CFAP47: variants seen among roughly 807,000 people sequenced by gnomAD.
CFAP47 encodes the protein cilia and flagella associated protein 47, also known as cilia- and flagella-associated protein 47.
Under a neutral mutation model 148.1 loss-of-function variants are expected in CFAP47, and 29 were observed. The observed-to-expected ratio is 0.20, with a 90% CI of 0.15 to 0.27. The LOEUF is 0.27. CFAP47 is among the 10% of genes least tolerant of loss of function. CFAP47 has a pLI of 1.00. For synonymous variants in CFAP47, 664 were observed against 577.3 expected, an observed-to-expected ratio of 1.15 and a Z score of -2.15; for missense variants, 1,872 against 1,697.5, an observed-to-expected ratio of 1.10 and a Z score of -1.81.
At chrX:36,172,631 G>T (rs1939599875) in intron 39 of CFAP47, among the ~76,000 whole-genome samples, 1 of 110,903 alleles carries the variant, frequency 9.0e-6, no homozygotes, top group Admixed American at 9.6e-5. Flanking sequence ...AACCAGCCTT[G>T]CATCCCAGGG....
At position 36,126,694 on chromosome X, in the gene CFAP47, C is replaced by T. The variant is rs375414342; in HGVS notation, c.5321-11264C>T. On this transcript the variant is annotated intron_variant, in intron 33 of 63. Coordinates refer to ENST00000378653, the MANE Select transcript of CFAP47 (RefSeq NM_001304548.2). ...CACACTGTCTTCCACAATGGTTGAA[C>T]TAATTTACACTCCCACCAACAGTGT... Among the ~76,000 whole-genome samples, 10 of 112,208 alleles carry T rather than the reference C, an allele frequency of 8.9e-5. No individual in the cohort carries two copies. In the East Asian group the frequency reaches 1.1e-3, roughly 13 times the overall value.
At chrX:35,933,969 T>C (rs1043591412) in intron 2 of CFAP47, among the ~76,000 whole-genome samples, 1 of 111,991 alleles carries the variant, frequency 8.9e-6, no homozygotes, top group African/African-American at 3.3e-5. Flanking sequence ...ATTCTGGTTA[T>C]TAATCCTTTG....
intron 7 of CFAP47, 70 bp downstream of exon 7, chrX:35,953,789 A>G: frequency 1.3e-6 from 1 of 779,726 alleles, no homozygotes; most frequent in Non-Finnish European, 1.8e-6. Flanking sequence ...GAACATGAAT[A>G]TCTGTAGAGA....
At chrX:36,301,037 C>A in intron 52 of CFAP47, 35 bp from the exon 53 acceptor site, 1 of 889,291 alleles carries the variant, frequency 1.1e-6, no homozygotes, top group Non-Finnish European at 1.6e-6. Flanking sequence ...CAAACTAAAA[C>A]TGCTGACAAA....
At chrX:36,113,669 C>G (rs1327077638) in intron 33 of CFAP47, among the ~76,000 whole-genome samples, 1 of 111,627 alleles carries the variant, frequency 9.0e-6, no homozygotes, top group East Asian at 2.8e-4. Flanking sequence ...ATAGATGATA[C>G]CCTGAAATAT....
At chrX:36,235,824 A>C (rs1940456204) in intron 46 of CFAP47, 110 bp from the exon 47 acceptor site, 1 of 354,045 alleles carries the variant, frequency 2.8e-6, no homozygotes, top group Non-Finnish European at 5.0e-6. Flanking sequence ...CCTTGGAAAT[A>C]CAATTAAAAA....
chrX:36,253,924 C>G (rs1940720474), intron 49 of CFAP47, among the ~76,000 whole-genome samples: 1 of 111,654 alleles, frequency 9.0e-6, no homozygotes, highest in Non-Finnish European at 1.9e-5. Flanking sequence ...GGACCTAGAT[C>G]AGGCAGGACC....
At chrX:36,233,402 T>G (rs1222206918) in intron 46 of CFAP47, among the ~76,000 whole-genome samples, 10 of 111,409 alleles carry the variant, frequency 9.0e-5, no homozygotes, top group Admixed American at 4.8e-4. Context: ...CTTTGTTGGT[T>G]TAAAGTCTGT....
At chrX:36,028,608 T>C (rs1344552846) in intron 22 of CFAP47, among the ~76,000 whole-genome samples, 1 of 111,539 alleles carries the variant, frequency 9.0e-6, no homozygotes, top group Non-Finnish European at 1.9e-5. Context: ...TTATTTATTT[T>C]TAAGCTATCG....
chrX:36,129,064 A>C (rs928135961), intron 33 of CFAP47, among the ~76,000 whole-genome samples: 5 of 110,357 alleles, frequency 4.5e-5, no homozygotes, highest in Non-Finnish European at 9.5e-5. Context: ...TATGGTATTC[A>C]CTGATAAGAC....
chrX:36,359,843 C>T (rs1042802586), intron 60 of CFAP47, among the ~76,000 whole-genome samples: 5 of 111,032 alleles, frequency 4.5e-5, no homozygotes, highest in Admixed American at 1.9e-4. Context: ...CTCTGCCTCC[C>T]GGGTTCACAC....
intron 21 of CFAP47, among the ~76,000 whole-genome samples, chrX:36,012,538 C>T (rs1470603668): frequency 1.8e-5 from 2 of 111,479 alleles, no homozygotes; most frequent in Admixed American, 9.5e-5. Flanking sequence ...AGCTGGAAGC[C>T]GTCATCCTCA....
At chrX:36,283,317 C>T (rs916359986) in intron 50 of CFAP47, among the ~76,000 whole-genome samples, 1 of 111,238 alleles carries the variant, frequency 9.0e-6, no homozygotes, top group African/African-American at 3.3e-5. Context: ...AATCATTCAC[C>T]AATCCCACTC....
chrX:35,919,758 G>T lies in CFAP47; in HGVS notation c.-42G>T. The T allele has an allele frequency of 8.6e-7, 1 of 1,169,232 alleles. No homozygotes were observed. Among genetic ancestry groups the T allele is most frequent in the Non-Finnish European group, 1.1e-6 (1 of 870,512 alleles). On this transcript the variant is annotated 5_prime_UTR_variant, in exon 1 of 64. Coordinates refer to ENST00000378653, the MANE Select transcript of CFAP47 (RefSeq NM_001304548.2). ...CGGTCGTCGACGCTAATCCTTGGCCGGACGGATCCACATCTGTTTTCTGGC... is the reference window on the plus strand; with the variant it reads ...CGGTCGTCGACGCTAATCCTTGGCCTGACGGATCCACATCTGTTTTCTGGC...
At chrX:36,091,731 C>T (rs1038018079) in intron 30 of CFAP47, among the ~76,000 whole-genome samples, 2 of 111,338 alleles carry the variant, frequency 1.8e-5, no homozygotes, top group Non-Finnish European at 3.8e-5. Flanking sequence ...GACACTGCCT[C>T]CACCCAAGAA....
At chrX:36,232,407 G>A (rs1345875660) in intron 46 of CFAP47, among the ~76,000 whole-genome samples, 3 of 111,839 alleles carry the variant, frequency 2.7e-5, no homozygotes, top group African/African-American at 9.7e-5. Context: ...GCGTAGAGGT[G>A]TTTGTAGTAT....
At chrX:36,193,426 A>G (rs1165529929) in intron 42 of CFAP47, among the ~76,000 whole-genome samples, 1 of 110,668 alleles carries the variant, frequency 9.0e-6, no homozygotes, top group Non-Finnish European at 1.9e-5. Context: ...TTTCTTTTTT[A>G]TTTTTCATGA....
At chrX:36,261,124 C>CTTT (rs33916345) in intron 49 of CFAP47, among the ~76,000 whole-genome samples, 26 of 78,044 alleles carry the variant, frequency 3.3e-4, no homozygotes, top group African/African-American at 1.1e-3. Context: ...AGTATAGTTT[C>CTTT]TTTTTTTTTT....
At chrX:36,375,183 T>C (rs1011044682) in intron 62 of CFAP47, 8 of 278,226 alleles carry the variant, frequency 2.9e-5, no homozygotes, top group Middle Eastern at 1.4e-3. Context: ...ATGAGCACCA[T>C]TGTGGCAATG....
Sources: allele counts gnomAD v4.1 joint callset (sites outside exome capture counted in the v4.1 genomes callset), GRCh38; gene constraint gnomAD v4.1.1; transcripts MANE v1.5; gene names NCBI Gene and HGNC (gene_info 2026-07-23, HGNC 2026-07-21).